The following RBPMS2 variants were observed in gnomAD, a reference collection of about 807,000 sequenced individuals.
RBPMS2 encodes the protein RNA binding protein, mRNA processing factor 2.
Under a neutral mutation model 25.7 loss-of-function variants are expected in RBPMS2, and 14 were observed. The ratio of observed to expected loss-of-function variants is 0.55; its 90% CI spans 0.36 to 0.85. RBPMS2 has a LOEUF of 0.85. Among genes scored for constraint, RBPMS2 ranks in the 40% least tolerant of loss-of-function variants. The pLI is 0.01. For synonymous variants in RBPMS2, 127 were observed against 115.6 expected (o/e 1.10, Z -0.63); for missense variants, 252 against 283.4 (o/e 0.89, Z 0.80).
intron 1 of RBPMS2, among the ~76,000 whole-genome samples, chr15:64,771,139 C>A (rs368196459): frequency 9.9e-5 from 15 of 152,254 alleles, no homozygotes; most frequent in Non-Finnish European, 1.9e-4. Context: ...CACTCTCCCC[C>A]TTCCAGGGGT....
chr15:64,772,252 C>CT (rs2083897891), intron 1 of RBPMS2, among the ~76,000 whole-genome samples: 1 of 152,194 alleles, frequency 6.6e-6, no homozygotes, highest in Non-Finnish European at 1.5e-5. Context: ...TTGAGAATCA[C>CT]TAAGACAGGA....
In RBPMS2 at chr15:64,767,611, G is replaced by A. The variant is rs28578638; in HGVS notation, c.87+7622C>T. ...ACCAGCCATGGCTTCCTCTACTTACGGCGCTTGCCAGTCCCACCCTGGACA... is the reference window on the plus strand; with the variant it reads ...ACCAGCCATGGCTTCCTCTACTTACAGCGCTTGCCAGTCCCACCCTGGACA... On this transcript the variant is annotated intron_variant, in intron 1 of 7. Coordinates refer to ENST00000300069, the MANE Select transcript of RBPMS2 (RefSeq NM_194272.3). Among the ~76,000 whole-genome samples the A allele has an allele frequency of 6.4e-4, 98 of 152,302 alleles. 1 individual carries two copies. The highest frequency in any genetic ancestry group is 2.1e-3 in the African/African-American group (86 of 41,568).
At chr15:64,773,994 T>C (rs1481467512) in intron 1 of RBPMS2, among the ~76,000 whole-genome samples, 1 of 152,212 alleles carries the variant, frequency 6.6e-6, no homozygotes, top group Non-Finnish European at 1.5e-5. Flanking sequence ...TCCCTTCCCC[T>C]TCCGCCAAAA....
At position 64,749,622 on chromosome 15, in the gene RBPMS2, G is replaced by T. The variant is rs566245850; in HGVS notation, c.205-129C>A. 154 of 774,268 alleles carry T rather than the reference G, an allele frequency of 2.0e-4. No individual in the cohort carries two copies. In the South Asian group the frequency reaches 2.9e-3, roughly 14 times the overall value. 48.0% of individuals were successfully genotyped at this position (774,268 alleles called of 1,614,324 possible). ...TGCCCTGCTGATGAGAATACAAAAG[G>T]AAAAAAAGCCCCCCAAAACTCCAGC... On this transcript the variant is annotated intron_variant, in intron 3 of 7. Transcript: ENST00000300069.
At chr15:64,754,732 T>C (rs974579662) in intron 1 of RBPMS2, among the ~76,000 whole-genome samples, 5 of 150,486 alleles carry the variant, frequency 3.3e-5, no homozygotes, top group Non-Finnish European at 7.4e-5. Context: ...ACCCAAGTCT[T>C]CCTACTACGT....
intron 1 of RBPMS2, among the ~76,000 whole-genome samples, chr15:64,772,787 T>C (rs985462259): frequency 6.6e-6 from 1 of 152,094 alleles, no homozygotes; most frequent in Non-Finnish European, 1.5e-5. Context: ...TTATCTATCA[T>C]TGCATTTCAC....
intron 1 of RBPMS2, among the ~76,000 whole-genome samples, chr15:64,760,018 C>T (rs2083769165): frequency 6.6e-6 from 1 of 152,224 alleles, no homozygotes; most frequent in African/African-American, 2.4e-5. Flanking sequence ...TCTCTTGGCC[C>T]TGGACACTGC....
Position 64,766,383 on chromosome 15 carries a change from T to A in RBPMS2, c.87+8850A>T, listed in dbSNP as rs544188075. ...GTCACCTGTCTAGTGTTGGCACGTA[T>A]CAGAAGTAACCGTACTCTCTCCATC... On this transcript the variant is annotated intron_variant, in intron 1 of 7. Transcript: ENST00000300069. Among the ~76,000 whole-genome samples the A allele has an allele frequency of 3.9e-5, 6 of 152,258 alleles. No homozygotes were observed. The South Asian group carries it at 1.2e-3, about 32-fold the overall frequency.
Position 64,741,025 on chromosome 15 carries a change from G to A in RBPMS2, c.*8-25C>T, listed in dbSNP as rs1216745970. On this transcript the variant is annotated intron_variant, in intron 7 of 7. Transcript: ENST00000300069. ...CCTGGAGGGAGGGAGAGAGGCGGCCGTGAGCAGAGGCGTGGGACTAGAGCT... is the reference window on the plus strand; with the variant it reads ...CCTGGAGGGAGGGAGAGAGGCGGCCATGAGCAGAGGCGTGGGACTAGAGCT... The A allele has an allele frequency of 1.7e-5, 10 of 594,252 alleles. 1 individual carries two copies. The highest frequency in any genetic ancestry group is 8.0e-5 in the South Asian group (4 of 50,044). The allele number at this position is 594,252 out of a possible 1,614,324, so 36.8% of individuals were successfully genotyped here. A position where few individuals can be genotyped will look rare whatever the true frequency, so the allele number is the denominator to read the frequency against.
chr15:64,775,366 C>T lies in RBPMS2; in HGVS notation c.-47G>A. 8.8e-7 allele frequency: 1 copy of T among 1,139,352 alleles called. No homozygotes were observed. Among genetic ancestry groups the T allele is most frequent in the Non-Finnish European group, 1.1e-6 (1 of 904,484 alleles). The allele number at this position is 1,139,352 out of a possible 1,614,324, so 70.6% of individuals were successfully genotyped here. ...GGAAGGAACGCGAGGGCGAGCGCGG[C>T]GCCGGCCCCGCGGGAAGTGGGAAGG... is the stretch of plus-strand genomic sequence containing the variant. On this transcript the variant is annotated 5_prime_UTR_variant, in exon 1 of 8. Coordinates refer to ENST00000300069, the MANE Select transcript of RBPMS2 (RefSeq NM_194272.3).
intron 6 of RBPMS2, among the ~76,000 whole-genome samples, chr15:64,746,295 G>C (rs1404106340): frequency 6.6e-6 from 1 of 152,116 alleles, no homozygotes; most frequent in Non-Finnish European, 1.5e-5. Context: ...GTCCAAGGAA[G>C]GCCAGAAGGC....
At chr15:64,763,103 C>T (rs888160188) in intron 1 of RBPMS2, among the ~76,000 whole-genome samples, 2 of 152,050 alleles carry the variant, frequency 1.3e-5, no homozygotes, top group Non-Finnish European at 2.9e-5. Flanking sequence ...CCTGCCTGGG[C>T]CCCGCGCTTA....
intron 1 of RBPMS2, among the ~76,000 whole-genome samples, chr15:64,761,527 A>G (rs1197927734): frequency 6.6e-6 from 1 of 152,130 alleles, no homozygotes; most frequent in Non-Finnish European, 1.5e-5. Context: ...AGCCCAAGGT[A>G]CCCAGGAACA....
At chr15:64,761,556 T>C (rs1027030103) in intron 1 of RBPMS2, among the ~76,000 whole-genome samples, 1 of 152,206 alleles carries the variant, frequency 6.6e-6, no homozygotes, top group African/African-American at 2.4e-5. Context: ...TCGGCTTTTT[T>C]GAGACAGGGT....
intron 1 of RBPMS2, 44 bp from the exon 2 acceptor site, chr15:64,751,682 G>T (rs1161960301): frequency 2.6e-6 from 4 of 1,511,538 alleles, no homozygotes; most frequent in Admixed American, 3.3e-5. Flanking sequence ...GCCCAAGACG[G>T]ACAGGGATGA....
chr15:64,748,474 T>C lies in RBPMS2; in HGVS notation c.512A>G (p.His171Arg). ...GGCAGTTGGGTAGGTGAACGCAGCA[T>C]GGGAGATGGCTGGGGTCAGCTCTGT... ...YTTELTPAIS[H>R]AAFTYPTATA... The change falls in exon 6 of 8, where the codon CAT (histidine) becomes CGT (arginine). Residue 171 changes from histidine to arginine, a missense_variant. His to Arg is a conservative substitution (Grantham distance 29). Transcript: ENST00000300069. 6.2e-7 allele frequency: 1 copy of C among 1,614,004 alleles called. No individual in the cohort carries two copies. Among genetic ancestry groups the C allele is most frequent in the Non-Finnish European group, 8.5e-7 (1 of 1,179,966 alleles).
chr15:64,756,252 A>T (rs541200466), intron 1 of RBPMS2, among the ~76,000 whole-genome samples: 1 of 152,298 alleles, frequency 6.6e-6, no homozygotes, highest in East Asian at 1.9e-4. Context: ...ATGGTGGCTC[A>T]CACCTGTAAT....
intron 1 of RBPMS2, among the ~76,000 whole-genome samples, chr15:64,760,815 A>AG (rs2083777375): frequency 6.6e-6 from 1 of 151,678 alleles, no homozygotes; most frequent in African/African-American, 2.4e-5. Flanking sequence ...AAAAAAAAAA[A>AG]GAAAGCAAAC....
At chr15:64,743,934 G>A (rs900343642) in intron 6 of RBPMS2, among the ~76,000 whole-genome samples, 2 of 151,658 alleles carry the variant, frequency 1.3e-5, no homozygotes, top group Non-Finnish European at 2.9e-5. Context: ...ACGAAACCCC[G>A]TCTCTGCAAA....
Sources: allele counts gnomAD v4.1 joint callset (sites outside exome capture counted in the v4.1 genomes callset), GRCh38; gene constraint gnomAD v4.1.1; transcripts MANE v1.5; gene names NCBI Gene and HGNC (gene_info 2026-07-23, HGNC 2026-07-21).